FBLN5: variants seen among roughly 807,000 people sequenced by gnomAD.
The protein encoded by FBLN5 is fibulin 5, also known as fibulin-5.
FBLN5 carries 24 observed loss-of-function variants against 61.6 expected under a neutral mutation model. The observed-to-expected ratio is 0.39, with a 90% CI of 0.28 to 0.55. FBLN5 has a LOEUF of 0.55. Ranked by LOEUF, FBLN5 falls within the 20% of genes least tolerant of loss-of-function variation. FBLN5 has a pLI of 0.65. For missense variants in FBLN5, 470 were observed against 594.1 expected, an observed-to-expected ratio of 0.79 and a Z score of 2.17; for synonymous variants, 213 against 219.8, an observed-to-expected ratio of 0.97 and a Z score of 0.27.
intron 3 of FBLN5, among the ~76,000 whole-genome samples, chr14:91,938,698 C>G (rs1462204772): frequency 6.6e-6 from 1 of 152,154 alleles, no homozygotes. Context: ...GAGCAGTAGA[C>G]ATGATCCCGT....
rs1157047872 is a variant in FBLN5 at position 91,934,188 on chromosome 14, C to G, written c.379+2759G>C. Among the ~76,000 whole-genome samples, 3 of 152,190 alleles carry G rather than the reference C, an allele frequency of 2.0e-5. No homozygotes were observed. In the East Asian group the frequency reaches 5.8e-4, roughly 29 times the overall value. On this transcript the variant is annotated intron_variant, in intron 4 of 10. Transcript: ENST00000342058. ...CACTACAGCCTGGGTAACAGCCAGA[C>G]CCTGTCTCAGAAAACAAAAATAGCA...
chr14:91,911,036 T>G (rs1446179560), intron 4 of FBLN5, among the ~76,000 whole-genome samples: 2 of 151,610 alleles, frequency 1.3e-5, no homozygotes, highest in African/African-American at 4.9e-5. Flanking sequence ...CAGGCTGGAG[T>G]GCAGCGGCAC....
At chr14:91,901,406 G>A (rs1890445396) in intron 4 of FBLN5, among the ~76,000 whole-genome samples, 1 of 152,128 alleles carries the variant, frequency 6.6e-6, no homozygotes, top group Non-Finnish European at 1.5e-5. Context: ...TTTGGATATG[G>A]CAAAAATCAT....
In FBLN5 at chr14:91,887,218, A is replaced by T. The variant is rs141152607; in HGVS notation, c.714T>A (p.Leu238=). The T allele has an allele frequency of 3.7e-4, 589 of 1,613,686 alleles. 5 individuals are homozygous for T. In the African/African-American group the frequency reaches 5.9e-3, roughly 16 times the overall value. Residue 238 remains leucine (L), a synonymous_variant, in exon 7 of 11, where the codon CTT becomes CTA. Coordinates refer to ENST00000342058, the MANE Select transcript of FBLN5 (RefSeq NM_006329.4). ...CACTGCAATGAACGCCATCTTCCTC[A>T]AGTTCATATCCTGGGTCACAGCGGC... is the stretch of plus-strand genomic sequence containing the variant. The part of the protein sequence containing the change: ...FICRCDPGYE[L]EEDGVHCSDM...
At chr14:91,909,079 G>A (rs993465230) in intron 4 of FBLN5, among the ~76,000 whole-genome samples, 25 of 151,664 alleles carry the variant, frequency 1.6e-4, no homozygotes, top group South Asian at 2.1e-4. Context: ...CACCACGCCC[G>A]GCTAATTTTT....
chr14:91,906,678 A>G (rs938417940), intron 4 of FBLN5, among the ~76,000 whole-genome samples: 1 of 152,254 alleles, frequency 6.6e-6, no homozygotes, highest in Admixed American at 6.5e-5. Context: ...GGGCACCAGC[A>G]GCTTCCTGGA....
At chr14:91,927,148 T>C (rs549198925) in intron 4 of FBLN5, among the ~76,000 whole-genome samples, 1 of 152,348 alleles carries the variant, frequency 6.6e-6, no homozygotes, top group Non-Finnish European at 1.5e-5. Flanking sequence ...GAAGCTGTTG[T>C]CGTCAACATC....
chr14:91,944,111 C>T (rs1436619299), intron 1 of FBLN5, among the ~76,000 whole-genome samples: 9 of 152,170 alleles, frequency 5.9e-5, no homozygotes, highest in Non-Finnish European at 1.0e-4. Flanking sequence ...AGGAAGGTCA[C>T]CTGAGGTCAG....
intron 4 of FBLN5, among the ~76,000 whole-genome samples, chr14:91,912,330 C>G (rs1595327547): frequency 6.6e-6 from 1 of 152,160 alleles, no homozygotes; most frequent in South Asian, 2.1e-4. Context: ...GACCCTGTCT[C>G]TACAAAAAAT....
Position 91,869,780 on chromosome 14 carries a change from C to T in FBLN5, c.*444G>A, listed in dbSNP as rs1396147144. On this transcript the variant is annotated 3_prime_UTR_variant, in exon 11 of 11. Transcript: ENST00000342058. Reference sequence around the variant, plus strand: ...TCTGTGTACGCAAAAAGCAAACTAGCTACTCCCAGGGTTCCCCGCCAGCTC... The same window carrying T: ...TCTGTGTACGCAAAAAGCAAACTAGTTACTCCCAGGGTTCCCCGCCAGCTC... 1 of 233,450 alleles carries T rather than the reference C, an allele frequency of 4.3e-6. No homozygotes were observed. Among genetic ancestry groups the T allele is most frequent in the East Asian group, 1.0e-4 (1 of 9,602 alleles). 14.5% of individuals were successfully genotyped at this position (233,450 alleles called of 1,614,324 possible). A position where few individuals can be genotyped will look rare whatever the true frequency, so the allele number is the denominator to read the frequency against.
At chr14:91,923,616 T>C (rs890878805) in intron 4 of FBLN5, among the ~76,000 whole-genome samples, 1 of 152,210 alleles carries the variant, frequency 6.6e-6, no homozygotes, top group African/African-American at 2.4e-5. Flanking sequence ...GGCCACCATA[T>C]GCATTCACAT....
intron 4 of FBLN5, among the ~76,000 whole-genome samples, chr14:91,934,994 T>C (rs1367673247): frequency 2.0e-5 from 3 of 151,916 alleles, no homozygotes; most frequent in Non-Finnish European, 4.4e-5. Flanking sequence ...CAGGAAACCA[T>C]GGGGTGGGGT....
intron 7 of FBLN5, among the ~76,000 whole-genome samples, chr14:91,885,832 C>T (rs1274689738): frequency 6.6e-6 from 1 of 152,262 alleles, no homozygotes; most frequent in Non-Finnish European, 1.5e-5. Context: ...ATTTTCCACA[C>T]TTCTTAGTTC....
intron 4 of FBLN5, among the ~76,000 whole-genome samples, chr14:91,907,649 C>G (rs1380655118): frequency 6.6e-6 from 1 of 151,524 alleles, no homozygotes. Flanking sequence ...CATCGTGTGC[C>G]AAGCAAAGGA....
intron 10 of FBLN5, among the ~76,000 whole-genome samples, chr14:91,871,221 T>TAA (rs55903830): frequency 0.84 from 115,098 of 137,840 alleles, 50,229 homozygotes; most frequent in Non-Finnish European, 0.96. Context: ...ATCAGTAATT[T>TAA]AAAAAAAAAA....
intron 9 of FBLN5, 193 bp from the exon 10 acceptor site, chr14:91,877,875 G>A: frequency 1.5e-6 from 1 of 666,702 alleles, no homozygotes; most frequent in Admixed American, 2.1e-5. Flanking sequence ...GTTTCCTAGA[G>A]AATGGACTTT....
At chr14:91,934,913 C>T (rs1019416056) in intron 4 of FBLN5, among the ~76,000 whole-genome samples, 2 of 152,170 alleles carry the variant, frequency 1.3e-5, no homozygotes, top group Non-Finnish European at 2.9e-5. Flanking sequence ...TCCCCCCACC[C>T]CCACAATGCC....
intron 4 of FBLN5, among the ~76,000 whole-genome samples, chr14:91,934,793 C>T (rs188651723): frequency 4.6e-5 from 7 of 152,266 alleles, no homozygotes; most frequent in Admixed American, 2.6e-4. Context: ...CCTTCCGCCA[C>T]GGTGCCTTGC....
At chr14:91,932,278 G>T (rs1356713305) in intron 4 of FBLN5, among the ~76,000 whole-genome samples, 1 of 152,222 alleles carries the variant, frequency 6.6e-6, no homozygotes, top group Non-Finnish European at 1.5e-5. Context: ...TGTGTCTGCA[G>T]AAATGTCCCA....
Sources: gnomAD v4.1 joint callset for allele counts (sites outside exome capture counted in the v4.1 genomes callset) on GRCh38, gnomAD v4.1.1 for gene constraint, MANE v1.5 for transcripts, NCBI Gene and HGNC (gene_info 2026-07-23, HGNC 2026-07-21) for gene names.